The following TRIB2 variants were observed in gnomAD, a reference collection of about 807,000 sequenced individuals.
TRIB2 encodes tribbles homolog 2.
A neutral mutation model predicts 26.8 loss-of-function variants in TRIB2; 2 were observed. That is an observed-to-expected ratio of 0.07 (90% CI 0.03 to 0.24). The LOEUF (loss-of-function observed/expected upper bound fraction) is 0.24, where lower values mean the gene tolerates loss of function less well. Ranked by LOEUF, TRIB2 falls within the 10% of genes least tolerant of loss-of-function variation. TRIB2 has a pLI of 1.00. For missense variants in TRIB2, 306 were observed against 449.0 expected (o/e 0.68, Z 2.88); for synonymous variants, 189 against 187.3 (o/e 1.01, Z -0.08).
intron 2 of TRIB2, among the ~76,000 whole-genome samples, chr2:12,726,883 T>C (rs1316103251): frequency 6.6e-6 from 1 of 152,216 alleles, no homozygotes; most frequent in Admixed American, 6.5e-5. Context: ...TGACTCCTTG[T>C]GCCTAAAGTT....
chr2:12,730,320 AC>A (rs772046237), intron 2 of TRIB2, among the ~76,000 whole-genome samples: 18 of 152,256 alleles, frequency 1.2e-4, no homozygotes, highest in Non-Finnish European at 2.1e-4. Flanking sequence ...CCAGTGGCAG[AC>A]CTGGGGTTGG....
At chr2:12,729,505 A>G (rs1298360938) in intron 2 of TRIB2, among the ~76,000 whole-genome samples, 2 of 152,124 alleles carry the variant, frequency 1.3e-5, no homozygotes, top group Non-Finnish European at 2.9e-5. Context: ...AAAGAGAGCT[A>G]TTTCCAAAGT....
rs1661486522 is a variant in TRIB2 at position 12,732,851 on chromosome 2, G to T, written c.564-7475G>T. 6.6e-6 allele frequency among the ~76,000 whole-genome samples: 1 copy of T among 152,224 alleles called. No homozygotes were observed. On this transcript the variant is annotated intron_variant, in intron 2 of 2. Transcript: ENST00000155926. This position sits in a 1 kb window ranked among gnomAD's most constrained non-coding sequence, Gnocchi z 4.2. ...AGTCAGGGCAAGGTCAGATCTGGCA[G>T]CAGCTGACCTTTTCACTTGACCCTT...
intron 2 of TRIB2, 56 bp downstream of exon 2, chr2:12,723,608 C>G: frequency 1.9e-6 from 3 of 1,552,212 alleles, no homozygotes; most frequent in South Asian, 1.2e-5. Flanking sequence ...CTAACAACAG[C>G]TTCCTAGAAA....
Position 12,740,575 on chromosome 2 carries a change from C to T in TRIB2, c.813C>T (p.Phe271=). ...TCAGCAAGATCCGGCGTGGCCAGTTCAACATTCCAGAGACTCTGTCGCCCA... is the reference window on the plus strand; with the variant it reads ...TCAGCAAGATCCGGCGTGGCCAGTTTAACATTCCAGAGACTCTGTCGCCCA... ...SLFSKIRRGQ[F]NIPETLSPKA... Residue 271 remains phenylalanine, a synonymous_variant, in exon 3 of 3, where the codon TTC becomes TTT. Coordinates refer to ENST00000155926, the MANE Select transcript of TRIB2 (RefSeq NM_021643.4). This position sits in a 1 kb window ranked among gnomAD's most constrained non-coding sequence, Gnocchi z 5.8. 1 of 1,614,180 alleles carries T rather than the reference C, an allele frequency of 6.2e-7. No homozygotes were observed. Among genetic ancestry groups the T allele is most frequent in the Non-Finnish European group, 8.5e-7 (1 of 1,180,038 alleles).
chr2:12,740,607 A>C lies in TRIB2; in HGVS notation c.845A>C (p.Lys282Thr). ...NIPETLSPKA[K>T]CLIRSILRRE... is the part of the protein sequence containing the mutation. ...CCAGAGACTCTGTCGCCCAAGGCCAAGTGCCTCATCCGAAGCATTCTGCGT... is the reference window on the plus strand; with the variant it reads ...CCAGAGACTCTGTCGCCCAAGGCCACGTGCCTCATCCGAAGCATTCTGCGT... Residue 282 changes from lysine (K) to threonine (T), a missense_variant, in exon 3 of 3, where the codon AAG (lysine) becomes ACG (threonine). By Grantham distance (78) the Lys-to-Thr change is moderately conservative. Transcript: ENST00000155926. This position sits in a 1 kb window ranked among gnomAD's most constrained non-coding sequence, Gnocchi z 5.8. The C allele has an allele frequency of 6.2e-7, 1 of 1,614,186 alleles. No individual in the cohort carries two copies. Among genetic ancestry groups the C allele is most frequent in the Non-Finnish European group, 8.5e-7 (1 of 1,180,032 alleles).
At position 12,738,265 on chromosome 2, in the gene TRIB2, A is replaced by G. The variant is rs577784862; in HGVS notation, c.564-2061A>G. 1.5e-3 allele frequency among the ~76,000 whole-genome samples: 224 copies of G among 152,300 alleles called. 1 individual carries two copies. Among genetic ancestry groups the G allele is most frequent in the African/African-American group, 5.0e-3 (209 of 41,564 alleles). ...GACGGAGGAAGAGAAACAGCAGGAG[A>G]TGGACTTGAGTCACAAGCTCTGACT... On this transcript the variant is annotated intron_variant, in intron 2 of 2. Transcript: ENST00000155926.
Position 12,723,509 on chromosome 2 carries a change from C to T in TRIB2, c.520C>T (p.Arg174Trp). Residue 174 changes from arginine (R) to tryptophan (W), a missense_variant, in exon 2 of 3, where the codon CGG becomes TGG. Arg to Trp is a moderately radical substitution (Grantham distance 101). Around this residue, in one of 4 missense-constraint regions of TRIB2, gnomAD observed 118 missense variants for 188.8 expected, o/e 0.63. Transcript: ENST00000155926. Reference sequence around the variant, plus strand: ...CTGCCATGACGGGGGGCTGGTGCTGCGGGACCTCAAGCTGCGGAAATTCAT... The same window carrying T: ...CTGCCATGACGGGGGGCTGGTGCTGTGGGACCTCAAGCTGCGGAAATTCAT... ...AHCHDGGLVL[R>W]DLKLRKFIFK... 1 of 1,614,122 alleles carries T rather than the reference C, an allele frequency of 6.2e-7. No homozygotes were observed. Among genetic ancestry groups the T allele is most frequent in the African/African-American group, 1.3e-5 (1 of 75,030 alleles).
chr2:12,734,938 C>T (rs1661538292), intron 2 of TRIB2, among the ~76,000 whole-genome samples: 1 of 152,180 alleles, frequency 6.6e-6, no homozygotes, highest in Non-Finnish European at 1.5e-5. Context: ...GCTAGAGCCC[C>T]ACCAGGGACT....
intron 2 of TRIB2, among the ~76,000 whole-genome samples, chr2:12,736,587 C>G (rs1173363023): frequency 6.6e-6 from 1 of 152,208 alleles, no homozygotes; most frequent in Non-Finnish European, 1.5e-5. Flanking sequence ...GGCCCTTGTT[C>G]CTTTGCCGGT....
At chr2:12,728,312 T>TAGCACACAGTCAGCCATCAGCA (rs1661377517) in intron 2 of TRIB2, among the ~76,000 whole-genome samples, 1 of 93,156 alleles carries the variant, frequency 1.1e-5, no homozygotes, top group Non-Finnish European at 2.1e-5. Context: ...GAGCTCCTGC[T>TAGCACACAGTCAGCCATCAGCA]GATGGAAGCC....
intron 1 of TRIB2, among the ~76,000 whole-genome samples, chr2:12,722,586 T>C (rs1183241302): frequency 6.6e-6 from 1 of 152,208 alleles, no homozygotes; most frequent in Non-Finnish European, 1.5e-5. Flanking sequence ...ATTGCATAAC[T>C]GGTTCATTGA....
chr2:12,718,834 G>A lies in TRIB2; in HGVS notation c.270+257G>A, dbSNP rs942480871. On this transcript the variant is annotated intron_variant, in intron 1 of 2. Coordinates refer to ENST00000155926, the MANE Select transcript of TRIB2 (RefSeq NM_021643.4). This position sits in a 1 kb window ranked among gnomAD's most constrained non-coding sequence, Gnocchi z 4.0. ...GGCGGCGGGACTGCGCGGGGGCCAC[G>A]GACACGCGTGCACCGAAGGCTCCAG... 2.6e-5 allele frequency among the ~76,000 whole-genome samples: 4 copies of A among 152,142 alleles called. No homozygotes were observed. Among genetic ancestry groups the A allele is most frequent in the Non-Finnish European group, 4.4e-5 (3 of 68,036 alleles).
chr2:12,735,904 GC>G (rs1661556970), intron 2 of TRIB2, among the ~76,000 whole-genome samples: 1 of 152,178 alleles, frequency 6.6e-6, no homozygotes, highest in South Asian at 2.1e-4. Flanking sequence ...GTATTTGGCA[GC>G]ATGTGGGATG....
chr2:12,736,172 G>A (rs1661562381), intron 2 of TRIB2, among the ~76,000 whole-genome samples: 1 of 152,152 alleles, frequency 6.6e-6, no homozygotes, highest in South Asian at 2.1e-4. Context: ...GGATAGGAAT[G>A]GAAAAGGGCC....
intron 2 of TRIB2, among the ~76,000 whole-genome samples, chr2:12,735,394 G>A (rs745327068): frequency 2.0e-5 from 3 of 152,052 alleles, no homozygotes; most frequent in East Asian, 1.9e-4. Context: ...GGAAGCACAC[G>A]TACAGCGCAC....
At chr2:12,727,583 G>C (rs1399673348) in intron 2 of TRIB2, among the ~76,000 whole-genome samples, 2 of 152,170 alleles carry the variant, frequency 1.3e-5, no homozygotes, top group Non-Finnish European at 2.9e-5. Flanking sequence ...CATGTAGGGA[G>C]TGGAGGATCA....
At chr2:12,724,422 A>G (rs1661293116) in intron 2 of TRIB2, among the ~76,000 whole-genome samples, 1 of 152,190 alleles carries the variant, frequency 6.6e-6, no homozygotes, top group East Asian at 1.9e-4. Context: ...TGTTCTTTTT[A>G]AGAATATGAG....
chr2:12,717,131 G>C lies in TRIB2; in HGVS notation c.-1177G>C, dbSNP rs1027351046. On this transcript the variant is annotated 5_prime_UTR_variant, in exon 1 of 3. Transcript: ENST00000155926. This position sits in a 1 kb window ranked among gnomAD's most constrained non-coding sequence, Gnocchi z 4.8. ...AATACACGGTCCCCTCTTTTCTCTG[G>C]GGGGGGCAAGCAAGAAATCAAAGAA... 2 of 372,478 alleles carry C rather than the reference G, an allele frequency of 5.4e-6. No individual in the cohort carries two copies. The highest frequency in any genetic ancestry group is 1.5e-4 in the South Asian group (1 of 6,778). 23.1% of individuals were successfully genotyped at this position (372,478 alleles called of 1,614,324 possible). A position where few individuals can be genotyped will look rare whatever the true frequency, so the allele number is the denominator to read the frequency against.
Sources: gnomAD v4.1 joint callset for allele counts (sites outside exome capture counted in the v4.1 genomes callset) on GRCh38, gnomAD v4.1.1 for gene constraint, gnomAD v4.1.1 regional missense constraint, Gnocchi (gnomAD v3.1) non-coding constraint, MANE v1.5 for transcripts, NCBI Gene and HGNC (gene_info 2026-07-23, HGNC 2026-07-21) for gene names.